CACNA1E: variants seen among roughly 807,000 people sequenced by gnomAD.
CACNA1E encodes voltage-dependent R-type calcium channel subunit alpha-1E.
Under a neutral mutation model 259.2 loss-of-function variants are expected in CACNA1E, and 40 were observed. The ratio of observed to expected loss-of-function variants is 0.15; its 90% confidence interval spans 0.12 to 0.20. The LOEUF is 0.20. Ranked by LOEUF, CACNA1E falls within the 10% of genes least tolerant of loss-of-function variation. The pLI is 1.00. For synonymous variants in CACNA1E, 1,104 were observed against 1,138.5 expected (o/e 0.97, Z 0.61); for missense variants, 1,874 against 3,040.1 (o/e 0.62, Z 9.02).
intron 6 of CACNA1E, among the ~76,000 whole-genome samples, chr1:181,650,054 T>A (rs1421474375): frequency 6.6e-6 from 1 of 152,198 alleles, no homozygotes; most frequent in East Asian, 1.9e-4. Flanking sequence ...AGTGATAGCT[T>A]CCATGACTGA....
chr1:181,433,231 G>A (rs930695566), intron 2 of CACNA1E, among the ~76,000 whole-genome samples: 2 of 152,120 alleles, frequency 1.3e-5, no homozygotes, highest in Non-Finnish European at 2.9e-5. Context: ...TCAGGCATGG[G>A]GTGAAGGGAT....
At chr1:181,475,378 C>A (rs1662773715) in intron 2 of CACNA1E, among the ~76,000 whole-genome samples, 1 of 152,134 alleles carries the variant, frequency 6.6e-6, no homozygotes, top group Non-Finnish European at 1.5e-5. Context: ...ATGAACGATA[C>A]AGAAATTCTG....
chr1:181,332,166 A>G (rs1651324628), intron 1 of CACNA1E, among the ~76,000 whole-genome samples: 1 of 152,216 alleles, frequency 6.6e-6, no homozygotes, highest in Non-Finnish European at 1.5e-5. Flanking sequence ...CTGAACGATG[A>G]GAACACATGG....
At chr1:181,793,836 G>C in intron 45 of CACNA1E, 43 bp downstream of exon 45, 1 of 1,590,610 alleles carries the variant, frequency 6.3e-7, no homozygotes. Flanking sequence ...CATCCGGGCT[G>C]TATTAGCTGG....
Position 181,807,981 on chromosome 1 carries a change from A to T in CACNA1E, c.*9147A>T, listed in dbSNP as rs1306123941. ...GTTGGTTTGTAAGCCATTTACATGG[A>T]TTGATGATTTCTGTTCTTGTTTTCT... On this transcript the variant is annotated 3_prime_UTR_variant, in exon 48 of 48. Coordinates refer to ENST00000367573, the MANE Select transcript of CACNA1E (RefSeq NM_001205293.3). 1 of 152,140 alleles carries T rather than the reference A, an allele frequency of 6.6e-6. No homozygotes were observed. Among genetic ancestry groups the T allele is most frequent in the Non-Finnish European group, 1.5e-5 (1 of 68,028 alleles). 9.4% of individuals were successfully genotyped at this position (152,140 alleles called of 1,614,324 possible).
intron 32 of CACNA1E, among the ~76,000 whole-genome samples, 157 bp downstream of exon 32, chr1:181,759,025 A>G (rs529851018): frequency 6.6e-6 from 1 of 152,274 alleles, no homozygotes; most frequent in East Asian, 1.9e-4. Flanking sequence ...TAGAGACAAG[A>G]TGATGTGTGA....
intron 44 of CACNA1E, among the ~76,000 whole-genome samples, chr1:181,792,798 C>A (rs1661443734): frequency 6.6e-6 from 1 of 152,192 alleles, no homozygotes; most frequent in South Asian, 2.1e-4. Flanking sequence ...TCATACAGCT[C>A]TTTATGCAAT....
chr1:181,685,090 C>G (rs1393648131), intron 7 of CACNA1E, among the ~76,000 whole-genome samples: 1 of 151,602 alleles, frequency 6.6e-6, no homozygotes, highest in Admixed American at 6.6e-5. Flanking sequence ...CATCCAGCAT[C>G]ATGTCTGCTG....
chr1:181,370,898 A>G lies in CACNA1E; in HGVS notation c.-14-42235A>G, dbSNP rs148468872. On this transcript the variant is annotated intron_variant, in intron 1 of 11. Transcript: ENST00000524607. ...TAATTTACATTTCTACCATCAGCAT[A>G]TAAGTATTCCCTTTTCTCCACAGCC... Among the ~76,000 whole-genome samples, 502 of 152,320 alleles carry G rather than the reference A, an allele frequency of 3.3e-3. 2 individuals are homozygous for G. Among genetic ancestry groups the G allele is most frequent in the African/African-American group, 0.011 (474 of 41,568 alleles).
intron 35 of CACNA1E, among the ~76,000 whole-genome samples, chr1:181,767,604 T>A (rs1469292339): frequency 6.6e-6 from 1 of 152,238 alleles, no homozygotes; most frequent in Non-Finnish European, 1.5e-5. Flanking sequence ...CTTTCTGAAA[T>A]GTCTCTTCCT....
chr1:181,713,633 T>A (rs1341513475), intron 8 of CACNA1E, among the ~76,000 whole-genome samples: 1 of 152,160 alleles, frequency 6.6e-6, no homozygotes, highest in Admixed American at 6.5e-5. Flanking sequence ...GTTAAAAGTG[T>A]TTAAATTAAA....
At chr1:181,349,320 G>A (rs1259047234) in intron 1 of CACNA1E, among the ~76,000 whole-genome samples, 1 of 152,226 alleles carries the variant, frequency 6.6e-6, no homozygotes, top group Non-Finnish European at 1.5e-5. Flanking sequence ...AGCAGGCAGC[G>A]ATTGCTCTCA....
At chr1:181,504,109 G>A (rs1405139543) in intron 1 of CACNA1E, among the ~76,000 whole-genome samples, 1 of 152,158 alleles carries the variant, frequency 6.6e-6, no homozygotes, top group African/African-American at 2.4e-5. Context: ...ATGCATGAAG[G>A]TGTCCATGCC....
intron 3 of CACNA1E, among the ~76,000 whole-genome samples, chr1:181,540,940 C>T (rs149539434): frequency 9.9e-5 from 15 of 152,144 alleles, no homozygotes; most frequent in Non-Finnish European, 1.6e-4. Context: ...CTTCTTGTAA[C>T]GTGGTATTCA....
At chr1:181,652,692 C>T (rs1042124669) in intron 7 of CACNA1E, among the ~76,000 whole-genome samples, 1 of 152,110 alleles carries the variant, frequency 6.6e-6, no homozygotes, top group Non-Finnish European at 1.5e-5. Flanking sequence ...ATGCAAAGTC[C>T]TTGTAAGGAA....
intron 35 of CACNA1E, among the ~76,000 whole-genome samples, chr1:181,770,244 T>G (rs1056393318): frequency 6.6e-6 from 1 of 152,210 alleles, no homozygotes; most frequent in Non-Finnish European, 1.5e-5. Context: ...AGTAACCCAG[T>G]AAGTCCGCGA....
At chr1:181,613,850 G>A (rs1654974933) in intron 6 of CACNA1E, among the ~76,000 whole-genome samples, 1 of 152,112 alleles carries the variant, frequency 6.6e-6, no homozygotes, top group South Asian at 2.1e-4. Context: ...CCTCCTCGAT[G>A]ATGTTTTTTC....
chr1:181,402,904 A>G (rs1291530801), intron 1 of CACNA1E, among the ~76,000 whole-genome samples: 1 of 152,238 alleles, frequency 6.6e-6, no homozygotes, highest in African/African-American at 2.4e-5. Flanking sequence ...GTTACTAGCT[A>G]TGTGACCTTG....
At chr1:181,688,427 A>T (rs886552155) in intron 7 of CACNA1E, among the ~76,000 whole-genome samples, 1 of 152,180 alleles carries the variant, frequency 6.6e-6, no homozygotes, top group African/African-American at 2.4e-5. Context: ...TGCAAGTGAC[A>T]TTGCTATGAA....
Sources: allele counts gnomAD v4.1 joint callset (sites outside exome capture counted in the v4.1 genomes callset), GRCh38; gene constraint gnomAD v4.1.1; transcripts MANE v1.5; gene names NCBI Gene and HGNC (gene_info 2026-07-23, HGNC 2026-07-21).